LDB3: variants seen among roughly 807,000 people sequenced by gnomAD.
The protein encoded by LDB3 is LIM domain-binding protein 3.
A neutral mutation model predicts 69.0 loss-of-function variants in LDB3; 49 were observed. The observed-to-expected ratio is 0.71, with a 90% CI of 0.56 to 0.90. LDB3 has a LOEUF of 0.90. Among genes scored for constraint, LDB3 ranks in the 40% least tolerant of loss-of-function variants. The probability of loss-of-function intolerance (pLI) is 0.00; values close to 1 mark genes in which losing one functional copy is unlikely to be tolerated. For synonymous variants in LDB3, 387 were observed against 396.2 expected (o/e 0.98, Z 0.28); for missense variants, 928 against 974.1 (o/e 0.95, Z 0.63).
chr10:86,710,235 G>A, intron 9 of LDB3, 185 bp downstream of exon 9: 1 of 985,390 alleles, frequency 1.0e-6, no homozygotes. Flanking sequence ...ATCTGGTCTG[G>A]GGGAGACAGG....
intron 12 of LDB3, among the ~76,000 whole-genome samples, chr10:86,720,451 A>G (rs1169200879): frequency 6.6e-6 from 1 of 151,700 alleles, no homozygotes; most frequent in East Asian, 1.9e-4. Flanking sequence ...CTGAAAAAAA[A>G]AAGAAAGAAA....
chr10:86,667,027 G>C (rs2132316016), upstream of LDB3, among the ~76,000 whole-genome samples: 1 of 152,292 alleles, frequency 6.6e-6, no homozygotes, highest in East Asian at 1.9e-4. Flanking sequence ...GATAGGGAAT[G>C]GTATGGGGAA....
chr10:86,714,731 A>AT (rs1310659595), intron 9 of LDB3, among the ~76,000 whole-genome samples: 5 of 151,234 alleles, frequency 3.3e-5, no homozygotes, highest in Non-Finnish European at 7.4e-5. Context: ...AATTTTTTGT[A>AT]TTTTTTTAGT....
At chr10:86,679,173 A>G (rs1844965561) in intron 2 of LDB3, among the ~76,000 whole-genome samples, 194 bp from the exon 3 acceptor site, 1 of 152,190 alleles carries the variant, frequency 6.6e-6, no homozygotes, top group African/African-American at 2.4e-5. Flanking sequence ...GTCAGACACA[A>G]AGCTCTAAGC....
intron 10 of LDB3, among the ~76,000 whole-genome samples, chr10:86,717,109 C>G (rs1419722325): frequency 6.6e-6 from 1 of 152,208 alleles, no homozygotes; most frequent in Non-Finnish European, 1.5e-5. Flanking sequence ...TTTTGTTAGA[C>G]AGTGTTGGTT....
chr10:86,706,781 T>C, intron 8 of LDB3, 62 bp downstream of exon 8: 1 of 1,522,796 alleles, frequency 6.6e-7, no homozygotes. Flanking sequence ...CGCCCCACTC[T>C]GGGTCTACCT....
At chr10:86,698,665 G>A (rs1043885026) in intron 7 of LDB3, among the ~76,000 whole-genome samples, 8 of 152,212 alleles carry the variant, frequency 5.3e-5, no homozygotes, top group Non-Finnish European at 7.3e-5. Context: ...GGGTATGCAC[G>A]CATGTGCCCA....
chr10:86,684,645 G>A (rs1378012200), intron 5 of LDB3, among the ~76,000 whole-genome samples: 4 of 152,192 alleles, frequency 2.6e-5, no homozygotes, highest in East Asian at 1.9e-4. Context: ...CCCTGGGACC[G>A]GGGACCACTG....
At chr10:86,692,601 T>C in intron 7 of LDB3, 30 bp downstream of exon 7, 2 of 1,609,436 alleles carry the variant, frequency 1.2e-6, no homozygotes, top group Non-Finnish European at 1.7e-6. Flanking sequence ...CTCTGTGGCC[T>C]TGCCCTCTAG....
At chr10:86,724,621 AAAAT>A (rs913520797) in intron 12 of LDB3, among the ~76,000 whole-genome samples, 66 of 151,740 alleles carry the variant, frequency 4.3e-4, no homozygotes, top group African/African-American at 1.2e-3. Flanking sequence ...ATAAAAATAA[AAAAT>A]AAATAAATAA....
chr10:86,716,666 C>T lies in LDB3; in HGVS notation c.1571C>T (p.Ala524Val), dbSNP rs1846888815. Residue 524 changes from alanine to valine, a missense_variant, in exon 10 of 14, where the codon GCG (alanine) becomes GTG (valine). Physicochemically the swap from Ala to Val is moderately conservative, Grantham distance 64. Transcript: ENST00000361373. Reference sequence around the variant, plus strand: ...CGGGGAGGCCCAGCCTACACCCCAGCGGGTCCTCAGGTGCCACCACTTGCC... The same window carrying T: ...CGGGGAGGCCCAGCCTACACCCCAGTGGGTCCTCAGGTGCCACCACTTGCC... ...LPRGGPAYTP[A>V]GPQVPPLARG... 11 of 1,613,990 alleles carry T rather than the reference C, an allele frequency of 6.8e-6. No individual in the cohort carries two copies. Among genetic ancestry groups the T allele is most frequent in the South Asian group, 2.2e-5 (2 of 91,078 alleles).
intron 2 of LDB3, among the ~76,000 whole-genome samples, chr10:86,673,157 A>G (rs1844581340): frequency 6.6e-6 from 1 of 152,256 alleles, no homozygotes; most frequent in African/African-American, 2.4e-5. Flanking sequence ...CTTGAGAGCC[A>G]GTGCCCATGA....
At chr10:86,703,195 C>G (rs1304631878) in intron 7 of LDB3, among the ~76,000 whole-genome samples, 1 of 152,238 alleles carries the variant, frequency 6.6e-6, no homozygotes, top group Non-Finnish European at 1.5e-5. Context: ...CAGCAGCCTA[C>G]TGGAAGTGTG....
intron 12 of LDB3, among the ~76,000 whole-genome samples, chr10:86,722,084 T>G (rs1193490947): frequency 2.0e-5 from 3 of 152,236 alleles, no homozygotes. Flanking sequence ...AAATAACTTT[T>G]GCAGAAGTTG....
At chr10:86,713,365 G>C (rs1009453472) in intron 9 of LDB3, among the ~76,000 whole-genome samples, 6 of 151,946 alleles carry the variant, frequency 3.9e-5, no homozygotes, top group Admixed American at 6.5e-5. Context: ...TCCTGCCTTA[G>C]CCTCCCGAGT....
intron 7 of LDB3, among the ~76,000 whole-genome samples, chr10:86,703,960 A>G (rs535425383): frequency 6.6e-6 from 1 of 152,148 alleles, no homozygotes; most frequent in South Asian, 2.1e-4. Flanking sequence ...CTAAAAATAG[A>G]AAAATTAGCC....
chr10:86,704,944 G>A (rs528075369), intron 7 of LDB3, among the ~76,000 whole-genome samples: 26 of 150,872 alleles, frequency 1.7e-4, no homozygotes, highest in East Asian at 1.2e-3. Context: ...TCGAACTCCC[G>A]ACCTCAGGTG....
At chr10:86,712,052 G>T (rs908564995) in intron 9 of LDB3, among the ~76,000 whole-genome samples, 17 of 152,146 alleles carry the variant, frequency 1.1e-4, no homozygotes, top group Non-Finnish European at 1.6e-4. Context: ...CTCTCCTGGC[G>T]TGACGGCGAG....
chr10:86,689,941 G>A (rs114660276), intron 5 of LDB3, among the ~76,000 whole-genome samples: 2,319 of 152,316 alleles, frequency 0.015, 66 homozygotes, highest in African/African-American at 0.054. Context: ...TATTCTCCCT[G>A]AGCCTTGGTG....
Sources: gnomAD v4.1 joint callset for allele counts (sites outside exome capture counted in the v4.1 genomes callset) on GRCh38, gnomAD v4.1.1 for gene constraint, MANE v1.5 for transcripts, NCBI Gene and HGNC (gene_info 2026-07-23, HGNC 2026-07-21) for gene names.